NUP107: variants seen among roughly 807,000 people sequenced by gnomAD.
NUP107 encodes the protein nuclear pore complex protein Nup107.
A neutral mutation model predicts 141.0 loss-of-function variants in NUP107; 101 were observed. That is an observed-to-expected ratio of 0.72 (90% CI 0.61 to 0.84). The LOEUF (loss-of-function observed/expected upper bound fraction) is 0.84. NUP107 is among the 40% of genes least tolerant of loss of function. The pLI is 0.00. For synonymous variants in NUP107, 319 were observed against 363.9 expected, an observed-to-expected ratio of 0.88 and a Z score of 1.41; for missense variants, 941 against 1,102.7, an observed-to-expected ratio of 0.85 and a Z score of 2.08.
chr12:68,721,288 T>C, intron 15 of NUP107, 111 bp downstream of exon 15: 4 of 641,708 alleles, frequency 6.2e-6, no homozygotes, highest in East Asian at 5.9e-5. Context: ...CTTAAGTATA[T>C]ACATACTTAA....
chr12:68,727,256 A>G, intron 19 of NUP107, 95 bp from the exon 20 acceptor site: 1 of 640,000 alleles, frequency 1.6e-6, no homozygotes, highest in East Asian at 2.8e-5. Context: ...AAACATTACA[A>G]TTATTAAATT....
At chr12:68,690,282 A>G (rs1875721346) in intron 3 of NUP107, among the ~76,000 whole-genome samples, 1 of 151,928 alleles carries the variant, frequency 6.6e-6, no homozygotes, top group Non-Finnish European at 1.5e-5. Context: ...TGTTTACTCC[A>G]AAGTTTATGC....
chr12:68,706,618 CCCTGG>C, intron 8 of NUP107: 1 of 706,334 alleles, frequency 1.4e-6, no homozygotes, highest in Non-Finnish European at 2.6e-6. Flanking sequence ...CAGAGGGCTT[CCCTGG>C]AGGCCGCCAT....
Position 68,733,431 on chromosome 12 carries a change from AT to A in NUP107, c.2102-19del. On this transcript the variant is annotated intron_variant, in intron 23 of 27. Coordinates refer to ENST00000229179, the MANE Select transcript of NUP107 (RefSeq NM_020401.4). ...ACAGAGAAGTCCGTAGGCATTCAAA[AT>A]TGTGTATCTTTTTTCACAGCATCAA... The A allele has an allele frequency of 6.2e-7, 1 of 1,600,256 alleles. No homozygotes were observed. The highest frequency in any genetic ancestry group is 8.5e-7 in the Non-Finnish European group (1 of 1,173,164).
At chr12:68,701,656 G>A (rs1171350281) in intron 7 of NUP107, among the ~76,000 whole-genome samples, 2 of 151,684 alleles carry the variant, frequency 1.3e-5, no homozygotes, top group Admixed American at 1.3e-4. Flanking sequence ...TCCAGCCTGG[G>A]TGACAGAGTG....
chr12:68,741,915 G>A lies in NUP107; in HGVS notation c.2605G>A (p.Gly869Ser), dbSNP rs745638830. 6.2e-7 allele frequency: 1 copy of A among 1,613,650 alleles called. No homozygotes were observed. Among genetic ancestry groups the A allele is most frequent in the Non-Finnish European group, 8.5e-7 (1 of 1,179,736 alleles). ...GCTTCATACGATATTGCACAGTACT[G>A]GTCAGTATCAGGAATGCCTACAGTT... ...FLLHTILHST[G>S]QYQECLQLAD... Residue 869 changes from glycine (G) to serine (S), a missense_variant, in exon 27 of 28, where the codon GGT (glycine) becomes AGT (serine). Physicochemically the swap from Gly to Ser is moderately conservative, Grantham distance 56. Transcript: ENST00000229179.
intron 8 of NUP107, chr12:68,705,620 C>T (rs1876540973): frequency 1.0e-5 from 5 of 496,730 alleles, no homozygotes; most frequent in Admixed American, 9.7e-5. Context: ...CCTGCCTTCA[C>T]TCCTGCCTCC....
chr12:68,735,498 T>C (rs1355993186), intron 26 of NUP107, among the ~76,000 whole-genome samples, 154 bp downstream of exon 26: 1 of 152,194 alleles, frequency 6.6e-6, no homozygotes, highest in Non-Finnish European at 1.5e-5. Flanking sequence ...AAATACTACC[T>C]AGGGAATGGG....
rs1346491833 is a variant in NUP107 at position 68,744,782 on chromosome 12, C to G, written c.*2320C>G. On this transcript the variant is annotated 3_prime_UTR_variant, in exon 28 of 28. Coordinates refer to ENST00000229179, the MANE Select transcript of NUP107 (RefSeq NM_020401.4). ...CCCAAGAGTGCCAATGTGCTCCTCA[C>G]AATTCCCAAATGCCTCTCTTCCTGA... The G allele has an allele frequency of 3.3e-5, 5 of 152,206 alleles. No individual in the cohort carries two copies. Among genetic ancestry groups the G allele is most frequent in the Non-Finnish European group, 7.3e-5 (5 of 68,056 alleles). The allele number at this position is 152,206 out of a possible 1,614,324, so 9.4% of individuals were successfully genotyped here.
At chr12:68,736,717 C>CTTTTTTT (rs10713889) in intron 26 of NUP107, among the ~76,000 whole-genome samples, 4 of 105,894 alleles carry the variant, frequency 3.8e-5, no homozygotes, top group African/African-American at 1.5e-4. Context: ...GTGTCGCCAC[C>CTTTTTTT]TTTTTTTTTT....
intron 22 of NUP107, among the ~76,000 whole-genome samples, chr12:68,731,974 A>T (rs1007134211): frequency 6.6e-6 from 1 of 152,144 alleles, no homozygotes; most frequent in Non-Finnish European, 1.5e-5. Context: ...TAAATACTTG[A>T]TTAATCACTA....
chr12:68,721,769 T>C (rs1877359593), intron 15 of NUP107, 72 bp from the exon 16 acceptor site: 1 of 1,391,202 alleles, frequency 7.2e-7, no homozygotes, highest in Non-Finnish European at 1.0e-6. Context: ...TCTGTATCAT[T>C]GGATGTAATT....
intron 1 of NUP107, chr12:68,687,649 C>T (rs1187946868): frequency 1.0e-6 from 1 of 985,536 alleles, no homozygotes; most frequent in Non-Finnish European, 1.2e-6. Context: ...GAAGACCCCT[C>T]AAAGAAGGTA....
intron 9 of NUP107, among the ~76,000 whole-genome samples, chr12:68,709,526 C>G (rs1876747915): frequency 6.6e-6 from 1 of 151,852 alleles, no homozygotes; most frequent in African/African-American, 2.4e-5. Flanking sequence ...ACGATTATTC[C>G]TATAGAAAAT....
chr12:68,713,693 A>C (rs982521799), intron 10 of NUP107, 37 bp from the exon 11 acceptor site: 2 of 1,405,222 alleles, frequency 1.4e-6, no homozygotes, highest in Non-Finnish European at 2.0e-6. Context: ...TATTAAAATT[A>C]CCTCTTAAAA....
chr12:68,719,366 G>C lies in NUP107; in HGVS notation c.1109G>C (p.Gly370Ala). 2 of 1,614,144 alleles carry C rather than the reference G, an allele frequency of 1.2e-6. No individual in the cohort carries two copies. The highest frequency in any genetic ancestry group is 1.7e-6 in the Non-Finnish European group (2 of 1,180,014). The part of the protein sequence containing the change: ...EEAQRLCKRC[G>A]QAWRAATLEG... ...GCACAACGACTCTGTAAACGCTGTG[G>C]TCAAGCATGGAGAGCTGCAACACTT... Residue 370 changes from glycine to alanine, a missense_variant, in exon 13 of 28, where the codon GGT (glycine) becomes GCT (alanine). Coordinates refer to ENST00000229179, the MANE Select transcript of NUP107 (RefSeq NM_020401.4).
At chr12:68,699,279 G>A (rs1424403157) in intron 6 of NUP107, among the ~76,000 whole-genome samples, 10 of 151,972 alleles carry the variant, frequency 6.6e-5, no homozygotes, top group Non-Finnish European at 1.3e-4. Flanking sequence ...AGGCTGAGGT[G>A]GGAGAATCGC....
In NUP107 at chr12:68,735,300, G is replaced by A. The variant is rs761403730; in HGVS notation, c.2458G>A (p.Val820Ile). The change falls in exon 26 of 28, where the codon GTC becomes ATC. Residue 820 changes from valine (V) to isoleucine (I), a missense_variant. Coordinates refer to ENST00000229179, the MANE Select transcript of NUP107 (RefSeq NM_020401.4). ...TADVKEKMYN[V>I]LLFVDGGWMV... The stretch of plus-strand genomic sequence containing the variant: ...TGATGTGAAGGAGAAAATGTATAAC[G>A]TCTTGTTGTTTGTTGATGGAGGGTG... 1.9e-5 allele frequency: 30 copies of A among 1,614,052 alleles called. No homozygotes were observed. The highest frequency in any genetic ancestry group is 1.7e-4 in the Middle Eastern group (1 of 6,060).
At chr12:68,739,268 C>A (rs1022067556) in intron 26 of NUP107, among the ~76,000 whole-genome samples, 3 of 152,250 alleles carry the variant, frequency 2.0e-5, no homozygotes, top group Non-Finnish European at 2.9e-5. Flanking sequence ...TTAGCACAAT[C>A]TGATATAAAA....
Sources: allele counts gnomAD v4.1 joint callset (sites outside exome capture counted in the v4.1 genomes callset), GRCh38; gene constraint gnomAD v4.1.1; transcripts MANE v1.5; gene names NCBI Gene and HGNC (gene_info 2026-07-23, HGNC 2026-07-21).